Variants in COL4A6 observed in about 807,000 individuals in gnomAD.
COL4A6 encodes collagen alpha-6(IV) chain.
A neutral mutation model predicts 126.7 loss-of-function variants in COL4A6; 59 were observed. The observed-to-expected ratio is 0.47, with a 90% CI of 0.38 to 0.58. The LOEUF (loss-of-function observed/expected upper bound fraction) is 0.58. COL4A6 is among the 20% of genes least tolerant of loss of function. COL4A6 has a pLI of 0.00. For synonymous variants in COL4A6, 547 were observed against 496.6 expected (o/e 1.10, Z -1.35); for missense variants, 1,285 against 1,337.3 (o/e 0.96, Z 0.61).
chrX:108,170,096 A>G, intron 35 of COL4A6, 80 bp from the exon 36 acceptor site: 1 of 825,720 alleles, frequency 1.2e-6, no homozygotes, highest in Non-Finnish European at 1.8e-6. Flanking sequence ...CCTGCCCCCA[A>G]AGGCATTGCG....
intron 3 of COL4A6, among the ~76,000 whole-genome samples, chrX:108,223,868 C>G (rs767273361): frequency 1.8e-5 from 2 of 111,445 alleles, no homozygotes; most frequent in Non-Finnish European, 3.8e-5. Flanking sequence ...TTGCAGAGGC[C>G]ATGTTATTAC....
At chrX:108,328,455 A>T (rs919773141) in intron 2 of COL4A6, among the ~76,000 whole-genome samples, 1 of 110,847 alleles carries the variant, frequency 9.0e-6, no homozygotes, top group African/African-American at 3.3e-5. Context: ...GAGAAATGGA[A>T]TATGATTAAG....
In COL4A6 at chrX:108,176,950, T is replaced by C. The variant is rs374008946; in HGVS notation, c.2577A>G (p.Lys859=). 9.1e-6 allele frequency: 11 copies of C among 1,210,450 alleles called. No homozygotes were observed. The highest frequency in any genetic ancestry group is 1.2e-5 in the Non-Finnish European group (11 of 895,187). ...KKGPPGSIVK[K]GLPGLKGLPG... is the part of the protein sequence containing the mutation. ...GAAGGCCTTTTAGCCCTGGCAGCCC[T>C]TTCTTTACAATTGATCCAGGAGGAC... The change falls in exon 28 of 45, where the codon AAA becomes AAG. Residue 859 remains lysine (K), a synonymous_variant. Coordinates refer to ENST00000334504, the MANE Select transcript of COL4A6 (RefSeq NM_033641.4).
chrX:108,429,747 A>G (rs2064146720), intron 2 of COL4A6, among the ~76,000 whole-genome samples: 2 of 112,243 alleles, frequency 1.8e-5, no homozygotes, highest in South Asian at 7.4e-4. Flanking sequence ...TCACACAGCT[A>G]GGAAGTGTCA....
intron 12 of COL4A6, among the ~76,000 whole-genome samples, chrX:108,203,664 C>A (rs2035456280): frequency 8.9e-6 from 1 of 112,663 alleles, no homozygotes; most frequent in Non-Finnish European, 1.9e-5. Context: ...GCAGGAAATG[C>A]AAGTTACTGA....
intron 2 of COL4A6, among the ~76,000 whole-genome samples, chrX:108,430,702 C>T (rs908912263): frequency 1.8e-5 from 2 of 111,730 alleles, no homozygotes; most frequent in South Asian, 7.4e-4. Context: ...AAGCTGATGG[C>T]TGCTTCTGTA....
At chrX:108,255,565 C>T (rs1295480712) in intron 3 of COL4A6, among the ~76,000 whole-genome samples, 1 of 110,686 alleles carries the variant, frequency 9.0e-6, no homozygotes, top group African/African-American at 3.3e-5. Flanking sequence ...CTTTTCTTTC[C>T]CCTAATTTTG....
intron 3 of COL4A6, among the ~76,000 whole-genome samples, chrX:108,273,511 A>G (rs1026991074): frequency 8.9e-6 from 1 of 111,994 alleles, no homozygotes; most frequent in Non-Finnish European, 1.9e-5. Context: ...AAATCATGCT[A>G]CTATAAAGAC....
At chrX:108,303,536 G>T (rs2038550083) in intron 3 of COL4A6, among the ~76,000 whole-genome samples, 1 of 111,993 alleles carries the variant, frequency 8.9e-6, no homozygotes, top group Non-Finnish European at 1.9e-5. Flanking sequence ...ACACAGATAT[G>T]CAGAGTGAGC....
intron 3 of COL4A6, among the ~76,000 whole-genome samples, chrX:108,248,100 G>T (rs1320128530): frequency 9.0e-6 from 1 of 111,411 alleles, no homozygotes; most frequent in Non-Finnish European, 1.9e-5. Flanking sequence ...GATACCCCAG[G>T]GAGAGTACAA....
At chrX:108,240,512 T>C (rs2036545739) in intron 3 of COL4A6, among the ~76,000 whole-genome samples, 1 of 112,303 alleles carries the variant, frequency 8.9e-6, no homozygotes, top group Admixed American at 9.4e-5. Context: ...ATTTTACATG[T>C]AGAACTTCGC....
chrX:108,374,959 C>T (rs771751183), intron 2 of COL4A6, among the ~76,000 whole-genome samples: 4 of 111,790 alleles, frequency 3.6e-5, no homozygotes, highest in Non-Finnish European at 7.5e-5. Flanking sequence ...ATTTTCAAGG[C>T]GTTAAGTAAG....
intron 3 of COL4A6, among the ~76,000 whole-genome samples, chrX:108,298,185 A>T (rs1280520662): frequency 1.9e-5 from 2 of 107,712 alleles, no homozygotes; most frequent in South Asian, 4.1e-4. Flanking sequence ...TGTTGGGGGG[A>T]ATGAGGGGGG....
intron 2 of COL4A6, chrX:108,383,545 A>G (rs911852679): frequency 2.2e-6 from 1 of 459,831 alleles, no homozygotes; most frequent in Non-Finnish European, 3.9e-6. Flanking sequence ...CTTAGAACAG[A>G]ACAAAGAGAT....
At chrX:108,258,355 C>T (rs947143184) in intron 3 of COL4A6, among the ~76,000 whole-genome samples, 1 of 112,140 alleles carries the variant, frequency 8.9e-6, no homozygotes, top group Non-Finnish European at 1.9e-5. Context: ...TGGCAAAAGA[C>T]AAGCCAGTCT....
In COL4A6 at chrX:108,415,964, G is replaced by T. The variant is rs2041426493; in HGVS notation, c.63+21978C>A. On this transcript the variant is annotated intron_variant, in intron 2 of 44. Transcript: ENST00000334504. ...AAAGGGAAGTGGTTACCTCCAGGAGGATTTAAGCCAAAATATCTGCCATAG... is the reference window on the plus strand; with the variant it reads ...AAAGGGAAGTGGTTACCTCCAGGAGTATTTAAGCCAAAATATCTGCCATAG... Among the ~76,000 whole-genome samples, 6 of 112,162 alleles carry T rather than the reference G, an allele frequency of 5.3e-5. No homozygotes were observed. The South Asian group carries it at 2.3e-3, about 42-fold the overall frequency.
chrX:108,320,108 C>T (rs892461295), intron 2 of COL4A6, among the ~76,000 whole-genome samples: 1 of 111,677 alleles, frequency 9.0e-6, no homozygotes, highest in East Asian at 2.8e-4. Flanking sequence ...TTTTTCCTCT[C>T]AGTGAAACAA....
At position 108,178,775 on chromosome X, in the gene COL4A6, C is replaced by T. The variant is rs764617037; in HGVS notation, c.2424G>A (p.Val808=). 4.1e-6 allele frequency: 5 copies of T among 1,211,867 alleles called. No individual in the cohort carries two copies. The East Asian group carries it at 8.9e-5, about 21-fold the overall frequency. ...ERGSPGTPGQ[V]GQPGTPGSSG... ...TAGATCCTGGGGTGCCTGGCTGTCCCACCTGTCCTGGTGTCCCAGGGCTGC... is the reference window on the plus strand; with the variant it reads ...TAGATCCTGGGGTGCCTGGCTGTCCTACCTGTCCTGGTGTCCCAGGGCTGC... The change falls in exon 27 of 45, where the codon GTG becomes GTA. Residue 808 remains valine, a synonymous_variant. Coordinates refer to ENST00000334504, the MANE Select transcript of COL4A6 (RefSeq NM_033641.4).
intron 2 of COL4A6, among the ~76,000 whole-genome samples, chrX:108,432,742 A>C (rs2064195592): frequency 1.8e-5 from 2 of 111,730 alleles, no homozygotes; most frequent in Non-Finnish European, 3.8e-5. Flanking sequence ...AGGCTGAGGC[A>C]GGAGAATCAC....
Sources: allele counts gnomAD v4.1 joint callset (sites outside exome capture counted in the v4.1 genomes callset), GRCh38; gene constraint gnomAD v4.1.1; transcripts MANE v1.5; gene names NCBI Gene and HGNC (gene_info 2026-07-23, HGNC 2026-07-21).